Variants in HMOX1 observed in about 807,000 individuals in gnomAD.
HMOX1 encodes heme oxygenase 1.
A neutral mutation model predicts 27.8 loss-of-function variants in HMOX1; 22 were observed. That is an observed-to-expected ratio of 0.79 (90% CI 0.57 to 1.13). The LOEUF (loss-of-function observed/expected upper bound fraction) is 1.13, where lower values mean the gene tolerates loss of function less well. Ranked by LOEUF, HMOX1 falls within the 50% of genes most tolerant of loss-of-function variation. The probability of loss-of-function intolerance (pLI) is 0.00; values close to 1 mark genes in which losing one functional copy is unlikely to be tolerated. For missense variants in HMOX1, 379 were observed against 377.7 expected (o/e 1.00, Z -0.03); for synonymous variants, 153 against 151.6 (o/e 1.01, Z -0.07).
intron 2 of HMOX1, among the ~76,000 whole-genome samples, chr22:35,386,203 G>T (rs1052431869): frequency 3.3e-5 from 5 of 151,938 alleles, no homozygotes; most frequent in African/African-American, 1.2e-4. Flanking sequence ...TGATCCTCCC[G>T]CCTCGGCCTC....
intron 2 of HMOX1, 49 bp downstream of exon 2, chr22:35,383,275 G>C (rs1165939888): frequency 1.2e-6 from 2 of 1,604,500 alleles, no homozygotes; most frequent in African/African-American, 1.3e-5. Flanking sequence ...GGCAGGTGTG[G>C]GTGGACCCAA....
At chr22:35,390,711 T>C (rs1931694821) in intron 4 of HMOX1, among the ~76,000 whole-genome samples, 1 of 152,080 alleles carries the variant, frequency 6.6e-6, no homozygotes, top group South Asian at 2.1e-4. Flanking sequence ...CCCTCAGAAA[T>C]CATGGGAAAC....
Position 35,386,785 on chromosome 22 carries a change from AGCTGCACCGCAAG to A in HMOX1, c.251_263del (p.His84ProfsTer28). Reference sequence around the variant, plus strand: ...TTCGCCCCTGTCTACTTCCCAGAAGAGCTGCACCGCAAGGCTGCCCTGGAGCAGGACCTGGCCT... The same window carrying A: ...TTCGCCCCTGTCTACTTCCCAGAAGAGCTGCCCTGGAGCAGGACCTGGCCT... On this transcript the variant is annotated frameshift_variant, in exon 3 of 5. Transcript: ENST00000216117. LOFTEE classifies it high-confidence loss of function. 1 of 1,614,208 alleles carries A rather than the reference AGCTGCACCGCAAG, an allele frequency of 6.2e-7. No individual in the cohort carries two copies. Among genetic ancestry groups the A allele is most frequent in the Non-Finnish European group, 8.5e-7 (1 of 1,180,034 alleles).
At chr22:35,391,236 C>T (rs1931710689) in intron 4 of HMOX1, among the ~76,000 whole-genome samples, 1 of 147,854 alleles carries the variant, frequency 6.8e-6, no homozygotes, top group Admixed American at 6.7e-5. Flanking sequence ...CCTAGTATCC[C>T]CTCAACGGGG....
intron 3 of HMOX1, among the ~76,000 whole-genome samples, chr22:35,389,422 T>TTCTA (rs1569057716): frequency 2.0e-3 from 176 of 89,772 alleles, no homozygotes; most frequent in Middle Eastern, 4.5e-3. Context: ...CTTTCTTTCT[T>TTCTA]TCTTTCTATC....
intron 3 of HMOX1, among the ~76,000 whole-genome samples, chr22:35,389,403 T>TTTCTTCCTTTCTTC (rs1931641975): frequency 1.8e-5 from 1 of 56,698 alleles, no homozygotes; most frequent in African/African-American, 1.7e-4. Flanking sequence ...TTCCTTTCTT[T>TTTCTTCCTTTCTTC]CTTTCTTTCT....
chr22:35,389,677 G>A (rs910165318), intron 3 of HMOX1, among the ~76,000 whole-genome samples, 187 bp from the exon 4 acceptor site: 7 of 149,204 alleles, frequency 4.7e-5, no homozygotes, highest in African/African-American at 1.7e-4. Flanking sequence ...CTTCTGACCC[G>A]TGATGTGCCC....
Position 35,394,091 on chromosome 22 carries a change from T to C in HMOX1, c.*493T>C, listed in dbSNP as rs1931798356. On this transcript the variant is annotated 3_prime_UTR_variant, in exon 5 of 5. Transcript: ENST00000216117. ...TATTTTTGTTGTGTTCTGTTGTTTT[T>C]ATAGCAGGGTTGGGGTGGTTTTTGA... 1.3e-5 allele frequency: 3 copies of C among 238,760 alleles called. No individual in the cohort carries two copies. In the South Asian group the frequency reaches 1.7e-4, roughly 14 times the overall value. 14.8% of individuals were successfully genotyped at this position (238,760 alleles called of 1,614,324 possible).
intron 2 of HMOX1, among the ~76,000 whole-genome samples, chr22:35,385,354 G>A (rs913131740): frequency 6.6e-6 from 1 of 151,798 alleles, no homozygotes; most frequent in Non-Finnish European, 1.5e-5. Flanking sequence ...CTTACTAGCT[G>A]TGCAACCTCC....
chr22:35,393,364 A>T, intron 4 of HMOX1, 104 bp from the exon 5 acceptor site: 3 of 1,402,378 alleles, frequency 2.1e-6, no homozygotes, highest in Non-Finnish European at 3.0e-6. Flanking sequence ...TTGGGCAGTG[A>T]CTGTACCACA....
intron 2 of HMOX1, among the ~76,000 whole-genome samples, chr22:35,383,814 G>A (rs778365023): frequency 5.9e-5 from 9 of 152,068 alleles, no homozygotes; most frequent in Non-Finnish European, 8.8e-5. Context: ...TCAACAGCAG[G>A]GTTTTCTTAA....
At chr22:35,390,612 G>A (rs1185915963) in intron 4 of HMOX1, among the ~76,000 whole-genome samples, 2 of 152,172 alleles carry the variant, frequency 1.3e-5, no homozygotes, top group East Asian at 3.8e-4. Context: ...GGCAAGCCAT[G>A]AGACTTCTCC....
At chr22:35,391,583 G>A (rs1243749407) in intron 4 of HMOX1, among the ~76,000 whole-genome samples, 11 of 118,914 alleles carry the variant, frequency 9.3e-5, no homozygotes, top group Non-Finnish European at 1.9e-4. Context: ...CACCGCGCCC[G>A]GCCTTTTTTT....
intron 1 of HMOX1, 115 bp from the exon 2 acceptor site, chr22:35,382,991 G>A: frequency 7.1e-7 from 1 of 1,411,118 alleles, no homozygotes; most frequent in Non-Finnish European, 9.9e-7. Context: ...TGAGAACGTG[G>A]CCTGAATGAG....
intron 2 of HMOX1, among the ~76,000 whole-genome samples, chr22:35,386,236 G>A (rs774431220): frequency 2.0e-5 from 3 of 152,100 alleles, no homozygotes; most frequent in Admixed American, 6.5e-5. Flanking sequence ...GATTACAGGC[G>A]TGAGCCACCG....
chr22:35,390,226 G>C (rs1443892367), intron 4 of HMOX1: 2 of 508,652 alleles, frequency 3.9e-6, no homozygotes, highest in Non-Finnish European at 7.2e-6. Context: ...ATGCCAGCCT[G>C]AATGTTTGTT....
Position 35,381,141 on chromosome 22 carries a change from G to A in HMOX1, c.-33G>A, listed in dbSNP as rs1356015883. 6.5e-7 allele frequency: 1 copy of A among 1,539,244 alleles called. No individual in the cohort carries two copies. Among genetic ancestry groups the A allele is most frequent in the Non-Finnish European group, 8.7e-7 (1 of 1,148,370 alleles). ...CGTCCTCAGCGCAGCCGCCGCCCGC[G>A]GAGCCAGCACGAACGAGCCCAGCAC... On this transcript the variant is annotated 5_prime_UTR_variant, in exon 1 of 5. Coordinates refer to ENST00000216117, the MANE Select transcript of HMOX1 (RefSeq NM_002133.3).
intron 4 of HMOX1, among the ~76,000 whole-genome samples, chr22:35,391,043 C>T (rs1383669382): frequency 6.6e-6 from 1 of 152,110 alleles, no homozygotes; most frequent in Non-Finnish European, 1.5e-5. Flanking sequence ...TTATATTAGG[C>T]CTCCCCTCCT....
At chr22:35,382,415 G>A (rs764255099) in intron 1 of HMOX1, among the ~76,000 whole-genome samples, 2 of 151,846 alleles carry the variant, frequency 1.3e-5, no homozygotes. Flanking sequence ...GCAGTGGCGC[G>A]ATCTCGGCTC....
Sources: gnomAD v4.1 joint callset for allele counts (sites outside exome capture counted in the v4.1 genomes callset) on GRCh38, gnomAD v4.1.1 for gene constraint, MANE v1.5 for transcripts, NCBI Gene and HGNC (gene_info 2026-07-23, HGNC 2026-07-21) for gene names.